The following SAMD11 variants were observed in gnomAD, a reference collection of about 807,000 sequenced individuals.
The protein encoded by SAMD11 is sterile alpha motif domain containing 11, also known as sterile alpha motif domain-containing protein 11.
In SAMD11, 77 loss-of-function variants were observed where a neutral mutation model predicts 64.4. The ratio of observed to expected loss-of-function variants is 1.20; its 90% CI spans 0.99 to 1.44. The LOEUF (loss-of-function observed/expected upper bound fraction) is 1.44, where lower values mean the gene tolerates loss of function less well. Ranked by LOEUF, SAMD11 falls within the 40% of genes most tolerant of loss-of-function variation. The pLI is 0.00. For synonymous variants in SAMD11, 658 were observed against 421.9 expected (o/e 1.56, Z -6.86); for missense variants, 1,402 against 943.3 (o/e 1.49, Z -6.37).
rs1421422745 is a variant in SAMD11, at chr1:942,650, G to A, written c.1645G>A (p.Asp549Asn). 2.8e-6 allele frequency: 4 copies of A among 1,436,040 alleles called. No individual in the cohort carries two copies. Among genetic ancestry groups the A allele is most frequent in the Non-Finnish European group, 3.6e-6 (4 of 1,101,666 alleles). The allele number at this position is 1,436,040 out of a possible 1,614,324, so 89.0% of individuals were successfully genotyped here. A position where few individuals can be genotyped will look rare whatever the true frequency, so the allele number is the denominator to read the frequency against. ...GCCCGAGACCGCCCTGCGCCCCAAC[G>A]ACGGCGCCGAGGAGCTGCAGCGGCG... ...LAPETALRPN[D>N]GAEELQRRGA... The change falls in exon 11 of 14, where the codon GAC becomes AAC. Residue 549 changes from aspartate to asparagine, a missense_variant. Physicochemically the swap from Asp to Asn is conservative, Grantham distance 23 (BLOSUM62 1). Transcript: ENST00000616016.
At chr1:930,964 C>T (rs774532669) in intron 3 of SAMD11, 75 bp from the exon 4 acceptor site, 187 of 1,449,922 alleles carry the variant, frequency 1.3e-4, no homozygotes, top group Non-Finnish European at 1.8e-4. Flanking sequence ...GACAGGTCTG[C>T]GCACGCCCTG....
At chr1:938,077 C>T (rs886124975) in intron 5 of SAMD11, among the ~76,000 whole-genome samples, 4 of 151,988 alleles carry the variant, frequency 2.6e-5, no homozygotes, top group Non-Finnish European at 5.9e-5. Flanking sequence ...GAGTCGGAGG[C>T]ACTGGCTGGC....
rs1290687630 is a variant in SAMD11 at position 942,807 on chromosome 1, G to A, written c.1802G>A (p.Gly601Asp). 1.9e-6 allele frequency: 3 copies of A among 1,546,674 alleles called. No individual in the cohort carries two copies. The highest frequency in any genetic ancestry group is 2.6e-6 in the Non-Finnish European group (3 of 1,145,858). Residue 601 changes from glycine to aspartate, a missense_variant, in exon 11 of 14, where the codon GGC (glycine) becomes GAC (aspartate). Physicochemically the swap from Gly to Asp is moderately conservative, Grantham distance 94. Transcript: ENST00000616016. ...CGAGCCCCCCGGAAGGGGGGTCCCG[G>A]CCCTGCCTCAGCGCGGCCCAGCGAG... ...ARRAPRKGGP[G>D]PASARPSESK...
Position 942,614 on chromosome 1 carries a change from C to T in SAMD11, c.1609C>T (p.Gln537Ter), listed in dbSNP as rs749005506. The T allele has an allele frequency of 7.0e-7, 1 of 1,438,172 alleles. No homozygotes were observed. Among genetic ancestry groups the T allele is most frequent in the Non-Finnish European group, 9.1e-7 (1 of 1,102,842 alleles). 89.1% of individuals were successfully genotyped at this position (1,438,172 alleles called of 1,614,324 possible). A position where few individuals can be genotyped will look rare whatever the true frequency, so the allele number is the denominator to read the frequency against. The stretch of plus-strand genomic sequence containing the variant: ...GAAGGAGCTGGAGAGCGCGCGCCCA[C>T]AGCTGCTGGCGCCCGAGACCGCCCT... The part of the protein sequence containing the change: ...RQKELESARP[Q>*]LLAPETALRP... Residue 537 changes from glutamine to a stop codon, truncating the protein, a stop_gained, in exon 11 of 14, where the codon CAG becomes TAG. Coordinates refer to ENST00000616016, the MANE Select transcript of SAMD11 (RefSeq NM_001385641.1). LOFTEE classifies it high-confidence loss of function.
At position 942,793 on chromosome 1, in the gene SAMD11, G is replaced by T; in HGVS notation, c.1788G>T (p.Arg596=). Residue 596 remains arginine, a synonymous_variant, in exon 11 of 14, where the codon CGG becomes CGT. Transcript: ENST00000616016. ...GGGACTCTGCCCGGCGAGCCCCCCG[G>T]AAGGGGGGTCCCGGCCCTGCCTCAG... ...PSRDSARRAP[R]KGGPGPASAR... 2 of 1,542,722 alleles carry T rather than the reference G, an allele frequency of 1.3e-6. No individual in the cohort carries two copies. Among genetic ancestry groups the T allele is most frequent in the Non-Finnish European group, 1.7e-6 (2 of 1,144,556 alleles).
At position 943,940 on chromosome 1, in the gene SAMD11, G is replaced by C. The variant is rs746722545; in HGVS notation, c.2322G>C (p.Val774=). ...GGCGCCTGGGCCGAGTTTTCTACGT[G>C]GCCAGCTTCCCCGTGGCTCTGCCAC... The part of the protein sequence containing the change: ...VARRLGRVFY[V]ASFPVALPLQ... Residue 774 remains valine (V), a synonymous_variant, in exon 14 of 14, where the codon GTG becomes GTC. Transcript: ENST00000616016. 3 of 1,612,544 alleles carry C rather than the reference G, an allele frequency of 1.9e-6. No homozygotes were observed. The African/African-American group carries it at 4.0e-5, about 22-fold the overall frequency.
chr1:931,118 G>A, intron 4 of SAMD11, 29 bp downstream of exon 4: 1 of 1,606,358 alleles, frequency 6.2e-7, no homozygotes, highest in Non-Finnish European at 8.5e-7. Flanking sequence ...GTGCATAAGA[G>A]GGGGCCGTGA....
chr1:936,987 C>T (rs569751143), intron 5 of SAMD11, among the ~76,000 whole-genome samples: 1 of 152,250 alleles, frequency 6.6e-6, no homozygotes, highest in Non-Finnish European at 1.5e-5. Flanking sequence ...CTGTGGGGTG[C>T]ACGTGATGGG....
intron 13 of SAMD11, 35 bp from the exon 14 acceptor site, chr1:943,873 T>C: frequency 1.2e-6 from 2 of 1,612,824 alleles, no homozygotes; most frequent in Non-Finnish European, 1.7e-6. Flanking sequence ...TCTGGGTGGG[T>C]GTGCGACAGC....
Position 930,186 on chromosome 1 carries a change from T to C in SAMD11, c.641T>C (p.Val214Ala), listed in dbSNP as rs776075841. The stretch of plus-strand genomic sequence containing the variant: ...GGGCGGCTGGCAGACAAGAGGACAG[T>C]CGCCCTGCCTGCCGCCCGGAACCTG... Reference protein sequence around the residue: ...NRGRLADKRTVALPAARNLKK... With the variant: ...NRGRLADKRTAALPAARNLKK... The change falls in exon 3 of 14, where the codon GTC becomes GCC. Residue 214 changes from valine to alanine, a missense_variant. By Grantham distance (64) the Val-to-Ala change is moderately conservative (BLOSUM62 0). Transcript: ENST00000616016. The C allele has an allele frequency of 3.8e-6, 6 of 1,560,652 alleles. No individual in the cohort carries two copies. In the Admixed American group the frequency reaches 1.2e-4, roughly 30 times the overall value.
intron 8 of SAMD11, among the ~76,000 whole-genome samples, chr1:941,651 C>T (rs907515461): frequency 6.6e-6 from 1 of 152,086 alleles, no homozygotes; most frequent in African/African-American, 2.4e-5. Flanking sequence ...ATGTAGACGC[C>T]GGCGCCGGAT....
At chr1:931,872 G>A (rs919595982) in intron 4 of SAMD11, among the ~76,000 whole-genome samples, 17 of 152,312 alleles carry the variant, frequency 1.1e-4, no homozygotes, top group Admixed American at 2.6e-4. Flanking sequence ...AGGGGGAAGC[G>A]AGTGGTAAGT....
chr1:926,744 A>G (rs13303101), intron 2 of SAMD11, among the ~76,000 whole-genome samples: 119,813 of 152,132 alleles, frequency 0.79, 51,579 homozygotes, highest in Non-Finnish European at 0.97. Context: ...GTTGGGCAGC[A>G]AGGGTTAGAG....
At position 942,453 on chromosome 1, in the gene SAMD11, G is replaced by C. The variant is rs750509511; in HGVS notation, c.1518G>C (p.Trp506Cys). The change falls in exon 10 of 14, where the codon TGG (tryptophan) becomes TGC (cysteine). Residue 506 changes from tryptophan (W) to cysteine (C), a missense_variant. Physicochemically the swap from Trp to Cys is radical, Grantham distance 215. Transcript: ENST00000616016. ...LPPAQAEMFAWQQELLRKQNL... is the reference protein window; with the variant it reads ...LPPAQAEMFACQQELLRKQNL... ...CCGCGCAGGCGGAGATGTTCGCCTG[G>C]CAGCAGGAGCTCCTGCGGAAGCAGA... 6.8e-5 allele frequency: 101 copies of C among 1,488,094 alleles called. No homozygotes were observed. In the African/African-American group the frequency reaches 1.3e-3, roughly 20 times the overall value. The allele number at this position is 1,488,094 out of a possible 1,614,324, so 92.2% of individuals were successfully genotyped here.
chr1:935,453 GA>G, intron 4 of SAMD11, among the ~76,000 whole-genome samples: 1 of 151,536 alleles, frequency 6.6e-6, no homozygotes, highest in East Asian at 1.9e-4. Context: ...GACCCCCTTT[GA>G]GGCAGGGAGT....
intron 4 of SAMD11, among the ~76,000 whole-genome samples, chr1:932,012 C>T (rs1190850369): frequency 6.6e-6 from 1 of 152,214 alleles, no homozygotes; most frequent in Non-Finnish European, 1.5e-5. Context: ...CGTGAAGGCC[C>T]AGGGGACCTG....
intron 4 of SAMD11, among the ~76,000 whole-genome samples, chr1:935,338 G>C (rs1216334547): frequency 6.6e-6 from 1 of 152,118 alleles, no homozygotes; most frequent in Non-Finnish European, 1.5e-5. Flanking sequence ...GCAGAAATCG[G>C]GGGTCAGGGG....
chr1:943,859 A>G (rs1465500331), intron 13 of SAMD11, 49 bp from the exon 14 acceptor site: 6 of 1,612,846 alleles, frequency 3.7e-6, no homozygotes, highest in Non-Finnish European at 5.1e-6. Context: ...GCTGGGCAGA[A>G]AGCTCTGGGT....
At chr1:925,867 C>A in intron 1 of SAMD11, 55 bp from the exon 2 acceptor site, 1 of 1,336,212 alleles carries the variant, frequency 7.5e-7, no homozygotes, top group Non-Finnish European at 1.1e-6. Context: ...CTGCCGCTGA[C>A]TGCGCGCAGA....
Sources: gnomAD v4.1 joint callset for allele counts (sites outside exome capture counted in the v4.1 genomes callset) on GRCh38, gnomAD v4.1.1 for gene constraint, MANE v1.5 for transcripts, NCBI Gene and HGNC (gene_info 2026-07-23, HGNC 2026-07-21) for gene names.